The following EFCAB6 variants were observed in gnomAD, a reference collection of about 807,000 sequenced individuals.
The protein encoded by EFCAB6 is EF-hand calcium binding domain 6.
Under a neutral mutation model 169.8 loss-of-function variants are expected in EFCAB6, and 156 were observed. The observed-to-expected ratio is 0.92, with a 90% CI of 0.81 to 1.05. The LOEUF (loss-of-function observed/expected upper bound fraction) is 1.05, where lower values mean the gene tolerates loss of function less well. Ranked by LOEUF, EFCAB6 falls within the 50% of genes least tolerant of loss-of-function variation. EFCAB6 has a pLI of 0.00. For missense variants in EFCAB6, 1,800 were observed against 1,829.1 expected (o/e 0.98, Z 0.29); for synonymous variants, 698 against 676.4 (o/e 1.03, Z -0.50).
intron 17 of EFCAB6, among the ~76,000 whole-genome samples, chr22:43,643,380 AAC>A (rs2055932702): frequency 6.6e-6 from 1 of 152,250 alleles, no homozygotes; most frequent in South Asian, 2.1e-4. Flanking sequence ...TGGAAGAAAT[AAC>A]AGAGTATCAG....
intron 17 of EFCAB6, among the ~76,000 whole-genome samples, chr22:43,645,441 A>G (rs2056094740): frequency 6.6e-6 from 1 of 152,242 alleles, no homozygotes; most frequent in Admixed American, 6.5e-5. Context: ...ATTGTTATTT[A>G]GAGAGTTGGA....
chr22:43,711,360 T>A, intron 10 of EFCAB6, 115 bp downstream of exon 10: 2 of 1,145,856 alleles, frequency 1.7e-6, no homozygotes, highest in Non-Finnish European at 2.3e-6. Context: ...GTATACGTTT[T>A]AAATTTTCAG....
At chr22:43,627,543 T>C (rs1223787292) in intron 19 of EFCAB6, among the ~76,000 whole-genome samples, 1 of 152,220 alleles carries the variant, frequency 6.6e-6, no homozygotes, top group South Asian at 2.1e-4. Flanking sequence ...TAAAATGCTG[T>C]TTGTTGCACT....
rs944461653 is a variant in EFCAB6 at position 43,572,528 on chromosome 22, G to A, written c.3420+3769C>T. ...TTACAAGGACCCCAAGCCTACGGCCGCCTGGCTCCTTCGCTCCCTGGCCCC... is the reference window on the plus strand; with the variant it reads ...TTACAAGGACCCCAAGCCTACGGCCACCTGGCTCCTTCGCTCCCTGGCCCC... On this transcript the variant is annotated intron_variant, in intron 26 of 31. Coordinates refer to ENST00000262726, the MANE Select transcript of EFCAB6 (RefSeq NM_022785.4). This position sits in a 1 kb window ranked among gnomAD's most constrained non-coding sequence, Gnocchi z 4.0. 4.6e-5 allele frequency among the ~76,000 whole-genome samples: 7 copies of A among 152,124 alleles called. No homozygotes were observed. The highest frequency in any genetic ancestry group is 9.7e-5 in the African/African-American group (4 of 41,438).
At chr22:43,777,914 CT>C (rs1569483992) in intron 3 of EFCAB6, among the ~76,000 whole-genome samples, 1 of 152,188 alleles carries the variant, frequency 6.6e-6, no homozygotes, top group Non-Finnish European at 1.5e-5. Context: ...TTGATGGAAT[CT>C]TTCTGGAGGG....
rs555119943 is a variant in EFCAB6, at chr22:43,563,732, T to C, written c.3421-8636A>G. 1.6e-3 allele frequency among the ~76,000 whole-genome samples: 242 copies of C among 152,292 alleles called. 1 individual carries two copies. Among genetic ancestry groups the C allele is most frequent in the East Asian group, 8.1e-3 (42 of 5,170 alleles). On this transcript the variant is annotated intron_variant, in intron 26 of 31. Coordinates refer to ENST00000262726, the MANE Select transcript of EFCAB6 (RefSeq NM_022785.4). ...GGAACTCAGACAGACGTGGGTTGAG[T>C]TCCTGGCTAACACCAGGCTATCATG...
intron 21 of EFCAB6, among the ~76,000 whole-genome samples, chr22:43,614,155 C>CAGA (rs1222093650): frequency 3.2e-5 from 3 of 92,946 alleles, no homozygotes; most frequent in Non-Finnish European, 6.0e-5. Flanking sequence ...TGCAAAGACT[C>CAGA]AGAATAGCCA....
At chr22:43,780,972 C>A (rs763106654) in intron 3 of EFCAB6, among the ~76,000 whole-genome samples, 7 of 152,188 alleles carry the variant, frequency 4.6e-5, no homozygotes, top group Non-Finnish European at 8.8e-5. Context: ...GTGCGTCTTA[C>A]GGCATTTGGC....
At chr22:43,700,232 T>C (rs1485139834) in intron 10 of EFCAB6, among the ~76,000 whole-genome samples, 1 of 152,196 alleles carries the variant, frequency 6.6e-6, no homozygotes, top group Non-Finnish European at 1.5e-5. Flanking sequence ...TAGATTTTTA[T>C]GTCTTATTAC....
At chr22:43,574,914 C>T (rs2050140473) in intron 26 of EFCAB6, among the ~76,000 whole-genome samples, 1 of 152,188 alleles carries the variant, frequency 6.6e-6, no homozygotes, top group South Asian at 2.1e-4. Flanking sequence ...TCCTGTACCA[C>T]TGGTGGGGCT....
At chr22:43,790,123 C>T (rs754471025) in intron 2 of EFCAB6, among the ~76,000 whole-genome samples, 1 of 152,090 alleles carries the variant, frequency 6.6e-6, no homozygotes, top group Non-Finnish European at 1.5e-5. Flanking sequence ...GGGCAGGCAC[C>T]GACTCTGCCT....
At chr22:43,623,958 T>C (rs889689629) in intron 20 of EFCAB6, among the ~76,000 whole-genome samples, 1 of 150,820 alleles carries the variant, frequency 6.6e-6, no homozygotes, top group African/African-American at 2.4e-5. Flanking sequence ...AGGGGTGGTA[T>C]CCAGGTCTGC....
chr22:43,696,543 A>T (rs1030170108), intron 10 of EFCAB6, among the ~76,000 whole-genome samples: 1 of 152,214 alleles, frequency 6.6e-6, no homozygotes, highest in Non-Finnish European at 1.5e-5. Flanking sequence ...AAAACAACCC[A>T]TGCATGTGTC....
At chr22:43,688,925 A>T (rs1156978811) in intron 10 of EFCAB6, among the ~76,000 whole-genome samples, 1 of 152,246 alleles carries the variant, frequency 6.6e-6, no homozygotes, top group East Asian at 1.9e-4. Context: ...AACTGGTTAG[A>T]CAAACAAATT....
intron 17 of EFCAB6, among the ~76,000 whole-genome samples, chr22:43,635,827 C>T (rs893555416): frequency 6.6e-6 from 1 of 152,134 alleles, no homozygotes; most frequent in African/African-American, 2.4e-5. Flanking sequence ...AGGGAGCACC[C>T]AAGAAAACAC....
intron 19 of EFCAB6, among the ~76,000 whole-genome samples, chr22:43,630,346 G>C (rs1235254489): frequency 6.6e-6 from 1 of 152,242 alleles, no homozygotes; most frequent in Non-Finnish European, 1.5e-5. Context: ...GCGGGATAGA[G>C]TGGGTGTCGG....
intron 27 of EFCAB6, among the ~76,000 whole-genome samples, chr22:43,548,429 A>G (rs1270517764): frequency 6.7e-6 from 1 of 149,620 alleles, no homozygotes; most frequent in Non-Finnish European, 1.5e-5. Flanking sequence ...AATCCCAGCT[A>G]CTTGGGAGGC....
At chr22:43,593,889 C>T (rs531030431) in intron 23 of EFCAB6, among the ~76,000 whole-genome samples, 1 of 152,214 alleles carries the variant, frequency 6.6e-6, no homozygotes, top group South Asian at 2.1e-4. Context: ...GGATGGGAGA[C>T]GAAGGATTGA....
rs376851327 is a variant in EFCAB6, at chr22:43,555,059, G to T, written c.3458C>A (p.Pro1153Gln). The change falls in exon 27 of 32, where the codon CCG (proline) becomes CAG (glutamine). Residue 1153 changes from proline to glutamine, a missense_variant. Pro to Gln is a moderately conservative substitution (Grantham distance 76). Coordinates refer to ENST00000262726, the MANE Select transcript of EFCAB6 (RefSeq NM_022785.4). ...DEWAEKMPKG[P>Q]PPTSPKATAD... The stretch of plus-strand genomic sequence containing the variant: ...TGTGGCCTTGGGAGAGGTAGGCGGC[G>T]GGCCTTTGGGCATTTTCTCAGCCCA... 2 of 1,614,146 alleles carry T rather than the reference G, an allele frequency of 1.2e-6. No homozygotes were observed. The highest frequency in any genetic ancestry group is 1.7e-6 in the Non-Finnish European group (2 of 1,180,036).
Sources: allele counts gnomAD v4.1 joint callset (sites outside exome capture counted in the v4.1 genomes callset), GRCh38; gene constraint gnomAD v4.1.1; non-coding constraint Gnocchi (gnomAD v3.1); transcripts MANE v1.5; gene names NCBI Gene and HGNC (gene_info 2026-07-23, HGNC 2026-07-21).